Variants in FASTKD3 observed in about 807,000 individuals in gnomAD.
FASTKD3 encodes FAST kinase domains 3.
Under a neutral mutation model 49.7 loss-of-function variants are expected in FASTKD3, and 47 were observed. The observed-to-expected ratio is 0.95, with a 90% CI of 0.75 to 1.21. FASTKD3 has a LOEUF of 1.21. Among genes scored for constraint, FASTKD3 ranks in the 50% most tolerant of loss-of-function variants. FASTKD3 has a pLI of 0.00. For synonymous variants in FASTKD3, 284 were observed against 288.6 expected (o/e 0.98, Z 0.16); for missense variants, 748 against 765.7 (o/e 0.98, Z 0.27).
rs770103693 is a variant in FASTKD3 at position 7,866,922 on chromosome 5, T to C, written c.1162A>G (p.Ile388Val). 15 of 1,614,198 alleles carry C rather than the reference T, an allele frequency of 9.3e-6. No individual in the cohort carries two copies. Among genetic ancestry groups the C allele is most frequent in the Non-Finnish European group, 1.2e-5 (14 of 1,180,036 alleles). ...CSRELILSKPILNAVAETFVC... is the reference protein window; with the variant it reads ...CSRELILSKPVLNAVAETFVC... ...AAAGTTTCTGCCACTGCATTGAGGA[T>C]GGGTTTTGAAAGAATCAGTTCTCTA... Residue 388 changes from isoleucine to valine, a missense_variant, in exon 2 of 7, where the codon ATC becomes GTC. Around this residue, in one of 3 missense-constraint regions of FASTKD3, gnomAD observed 564 missense variants for 562.8 expected, o/e 1.00. Transcript: ENST00000264669.
intron 2 of FASTKD3, 53 bp downstream of exon 2, chr5:7,866,593 T>G: frequency 7.5e-7 from 1 of 1,338,526 alleles, no homozygotes; most frequent in Non-Finnish European, 1.0e-6. Flanking sequence ...TTGAAACCAC[T>G]GCCAGTTCAA....
chr5:7,861,530 C>T, intron 5 of FASTKD3, 53 bp downstream of exon 5: 2 of 1,288,396 alleles, frequency 1.6e-6, no homozygotes, highest in South Asian at 2.1e-5. Context: ...GATACCGCTG[C>T]TTATTAGCCT....
At chr5:7,863,047 C>T (rs765721013) in intron 3 of FASTKD3, 50 bp from the exon 4 acceptor site, 230 of 1,508,108 alleles carry the variant, frequency 1.5e-4, no homozygotes, top group Admixed American at 8.2e-4. Context: ...GATATAACAA[C>T]AGAGAATAAA....
intron 3 of FASTKD3, among the ~76,000 whole-genome samples, chr5:7,864,711 AAC>A (rs1746810192): frequency 6.6e-6 from 1 of 152,220 alleles, no homozygotes; most frequent in African/African-American, 2.4e-5. Context: ...GTAGTTGAGT[AAC>A]ACAAATTAAA....
Position 7,869,005 on chromosome 5 carries a change from G to T in FASTKD3, c.-140C>A, listed in dbSNP as rs772983940. ...GCGCTCTGCCGGGCAATCACTCCGG[G>T]TGGTCGCGGAAGCGCCTGGGCGTCG... On this transcript the variant is annotated 5_prime_UTR_variant, in exon 1 of 7. Transcript: ENST00000264669. 1.9e-6 allele frequency: 2 copies of T among 1,062,456 alleles called. No homozygotes were observed. Among genetic ancestry groups the T allele is most frequent in the Admixed American group, 1.7e-5 (1 of 58,578 alleles). 65.8% of individuals were successfully genotyped at this position (1,062,456 alleles called of 1,614,324 possible). A position where few individuals can be genotyped will look rare whatever the true frequency, so the allele number is the denominator to read the frequency against.
Position 7,867,874 on chromosome 5 carries a change from T to C in FASTKD3, c.210A>G (p.Gly70=). ...GTCCACCGAGTGGATGAAGGTCATTTCCATTTTTCGAATGAAACTTTTTAC... is the reference window on the plus strand; with the variant it reads ...GTCCACCGAGTGGATGAAGGTCATTCCCATTTTTCGAATGAAACTTTTTAC... ...AHCKKFHSKN[G]NDLHPLGGPV... is the part of the protein sequence containing the mutation. Residue 70 remains glycine (G), a synonymous_variant, in exon 2 of 7, where the codon GGA becomes GGG. Coordinates refer to ENST00000264669, the MANE Select transcript of FASTKD3 (RefSeq NM_024091.4). 6.2e-7 allele frequency: 1 copy of C among 1,614,184 alleles called. No individual in the cohort carries two copies.
rs764801414 is a variant in FASTKD3 at position 7,866,804 on chromosome 5, G to A, written c.1280C>T (p.Ala427Val). 8.4e-5 allele frequency: 135 copies of A among 1,614,050 alleles called. 1 individual carries two copies. The East Asian group carries it at 3.0e-3, about 35-fold the overall frequency. ...CACGTTTTCCAGCTTTCTAAATAAA[G>A]CAGAGGCATTTGGTGGCAAATAATT... Reference protein sequence around the residue: ...KLNYLPPNASALFRKLENVLF... With the variant: ...KLNYLPPNASVLFRKLENVLF... Residue 427 changes from alanine to valine, a missense_variant, in exon 2 of 7, where the codon GCT (alanine) becomes GTT (valine). Ala to Val is a moderately conservative substitution (Grantham distance 64, BLOSUM62 0). This residue lies in a region of FASTKD3 where 564 missense variants were observed against 562.8 expected (regional missense o/e 1.00). Transcript: ENST00000264669.
Position 7,869,007 on chromosome 5 carries a change from G to A in FASTKD3, c.-142C>T. On this transcript the variant is annotated 5_prime_UTR_variant, in exon 1 of 7. Coordinates refer to ENST00000264669, the MANE Select transcript of FASTKD3 (RefSeq NM_024091.4). Reference sequence around the variant, plus strand: ...GCTCTGCCGGGCAATCACTCCGGGTGGTCGCGGAAGCGCCTGGGCGTCGTG... The same window carrying A: ...GCTCTGCCGGGCAATCACTCCGGGTAGTCGCGGAAGCGCCTGGGCGTCGTG... The A allele has an allele frequency of 2.8e-6, 3 of 1,080,694 alleles. No homozygotes were observed. The highest frequency in any genetic ancestry group is 2.8e-6 in the Non-Finnish European group (2 of 704,830). The allele number at this position is 1,080,694 out of a possible 1,614,324, so 66.9% of individuals were successfully genotyped here. A position where few individuals can be genotyped will look rare whatever the true frequency, so the allele number is the denominator to read the frequency against.
intron 1 of FASTKD3, among the ~76,000 whole-genome samples, chr5:7,868,637 G>A (rs949725442): frequency 6.6e-6 from 1 of 152,134 alleles, no homozygotes; most frequent in African/African-American, 2.4e-5. Context: ...GTCGGGAGAA[G>A]GTTAGTGTTG....
In FASTKD3 at chr5:7,861,600, A is replaced by G; in HGVS notation, c.1752T>C (p.Asn584=). 1 of 1,599,264 alleles carries G rather than the reference A, an allele frequency of 6.3e-7. No homozygotes were observed. The highest frequency in any genetic ancestry group is 8.5e-7 in the Non-Finnish European group (1 of 1,172,736). The change falls in exon 5 of 7, where the codon AAT becomes AAC. Residue 584 remains asparagine (N), a synonymous_variant. Coordinates refer to ENST00000264669, the MANE Select transcript of FASTKD3 (RefSeq NM_024091.4). The part of the protein sequence containing the change: ...EEGFVLPSTA[N]EDIHKRIALC... Reference sequence around the variant, plus strand: ...TCCTGTACCTTTTATGGATATCTTCATTAGCTGTGGATGGCAATACAAATC... The same window carrying G: ...TCCTGTACCTTTTATGGATATCTTCGTTAGCTGTGGATGGCAATACAAATC...
chr5:7,861,453 G>A lies in FASTKD3; in HGVS notation c.1769+130C>T, dbSNP rs531599178. Reference sequence around the variant, plus strand: ...AATATTACAAGGAATTTCCCAACATGGTATTCTGAAATGTAGTATTTTAAT... The same window carrying A: ...AATATTACAAGGAATTTCCCAACATAGTATTCTGAAATGTAGTATTTTAAT... On this transcript the variant is annotated intron_variant, in intron 5 of 6. Transcript: ENST00000264669. The A allele has an allele frequency of 4.6e-6, 3 of 654,846 alleles. No individual in the cohort carries two copies. The African/African-American group carries it at 5.6e-5, about 12-fold the overall frequency. 40.6% of individuals were successfully genotyped at this position (654,846 alleles called of 1,614,324 possible).
Position 7,868,982 on chromosome 5 carries a change from G to C in FASTKD3, c.-117C>G, listed in dbSNP as rs372343059. 1 of 865,436 alleles carries C rather than the reference G, an allele frequency of 1.2e-6. No homozygotes were observed. The highest frequency in any genetic ancestry group is 1.9e-6 in the Non-Finnish European group (1 of 516,886). 53.6% of individuals were successfully genotyped at this position (865,436 alleles called of 1,614,324 possible). A position where few individuals can be genotyped will look rare whatever the true frequency, so the allele number is the denominator to read the frequency against. On this transcript the variant is annotated 5_prime_UTR_variant, in exon 1 of 7. Coordinates refer to ENST00000264669, the MANE Select transcript of FASTKD3 (RefSeq NM_024091.4). Reference sequence around the variant, plus strand: ...GAGACCCCGCGTTGACACCTACCGCGCTCTGCCGGGCAATCACTCCGGGTG... The same window carrying C: ...GAGACCCCGCGTTGACACCTACCGCCCTCTGCCGGGCAATCACTCCGGGTG...
In FASTKD3 at chr5:7,859,477, T is replaced by C; in HGVS notation, c.1947A>G (p.Arg649=). Residue 649 remains arginine, a synonymous_variant, in exon 7 of 7, where the codon AGA becomes AGG. Coordinates refer to ENST00000264669, the MANE Select transcript of FASTKD3 (RefSeq NM_024091.4). ...SRRELVEYLQ[R]KLFSQNTVHW... is the part of the protein sequence containing the mutation. ...GAACAGTGTTTTGAGAAAACAGTTT[T>C]CTTTGTAAATATTCCACCAATTCAC... The C allele has an allele frequency of 1.2e-6, 2 of 1,608,024 alleles. No homozygotes were observed. The highest frequency in any genetic ancestry group is 2.2e-5 in the South Asian group (2 of 89,952).
intron 3 of FASTKD3, among the ~76,000 whole-genome samples, chr5:7,864,016 AT>A (rs1746751945): frequency 1.3e-5 from 2 of 151,982 alleles, no homozygotes; most frequent in Non-Finnish European, 2.9e-5. Flanking sequence ...TGCCCGGCTA[AT>A]TTTTTGTATT....
intron 3 of FASTKD3, among the ~76,000 whole-genome samples, chr5:7,865,268 T>C (rs1476439132): frequency 6.6e-6 from 1 of 152,094 alleles, no homozygotes; most frequent in Non-Finnish European, 1.5e-5. Flanking sequence ...TAAGCTGTTT[T>C]AAAAAAGGGG....
Position 7,859,405 on chromosome 5 carries a change from C to T in FASTKD3, c.*30G>A. 7.2e-7 allele frequency: 1 copy of T among 1,396,390 alleles called. No individual in the cohort carries two copies. Among genetic ancestry groups the T allele is most frequent in the Non-Finnish European group, 1.0e-6 (1 of 1,004,842 alleles). 86.5% of individuals were successfully genotyped at this position (1,396,390 alleles called of 1,614,324 possible). ...ACTGAGTTCCATAAAAATGCAAGTT[C>T]TTCCATTGTTTGAGTTCTGAAGTCA... On this transcript the variant is annotated 3_prime_UTR_variant, in exon 7 of 7. Coordinates refer to ENST00000264669, the MANE Select transcript of FASTKD3 (RefSeq NM_024091.4).
At position 7,859,389 on chromosome 5, in the gene FASTKD3, C is replaced by T. The variant is rs1309122732; in HGVS notation, c.*46G>A. The T allele has an allele frequency of 4.8e-6, 6 of 1,238,478 alleles. No individual in the cohort carries two copies. Among genetic ancestry groups the T allele is most frequent in the African/African-American group, 4.5e-5 (3 of 66,420 alleles). 76.7% of individuals were successfully genotyped at this position (1,238,478 alleles called of 1,614,324 possible). The stretch of plus-strand genomic sequence containing the variant: ...ATATTTTTCTTTTAATACTGAGTTC[C>T]ATAAAAATGCAAGTTCTTCCATTGT... On this transcript the variant is annotated 3_prime_UTR_variant, in exon 7 of 7. Transcript: ENST00000264669.
Position 7,867,508 on chromosome 5 carries a change from A to G in FASTKD3, c.576T>C (p.Pro192=). 3.1e-6 allele frequency: 5 copies of G among 1,614,278 alleles called. No individual in the cohort carries two copies. The highest frequency in any genetic ancestry group is 4.2e-6 in the Non-Finnish European group (5 of 1,180,052). ...LQALILLHVD[P]QSSLLLNLVA... is the part of the protein sequence containing the mutation. ...CCAGGTTCAGCAACAGGCTACTTTG[A>G]GGATCCACATGCAACAGAATCAGAG... The change falls in exon 2 of 7, where the codon CCT becomes CCC. Residue 192 remains proline, a synonymous_variant. Coordinates refer to ENST00000264669, the MANE Select transcript of FASTKD3 (RefSeq NM_024091.4).
At chr5:7,868,567 A>T (rs1013319602) in intron 1 of FASTKD3, among the ~76,000 whole-genome samples, 1 of 152,220 alleles carries the variant, frequency 6.6e-6, no homozygotes, top group African/African-American at 2.4e-5. Flanking sequence ...AGGCGAGGTT[A>T]GAGCAAGGCA....
Sources: allele counts gnomAD v4.1 joint callset (sites outside exome capture counted in the v4.1 genomes callset), GRCh38; gene constraint gnomAD v4.1.1; regional missense constraint gnomAD v4.1.1; transcripts MANE v1.5; gene names NCBI Gene and HGNC (gene_info 2026-07-23, HGNC 2026-07-21).